The following PRELID2 variants were observed in gnomAD, a reference collection of about 807,000 sequenced individuals.
PRELID2 encodes the protein PRELI domain-containing protein 2.
PRELID2 carries 25 observed loss-of-function variants against 28.4 expected under a neutral mutation model. The observed-to-expected ratio is 0.88, with a 90% CI of 0.64 to 1.23. The LOEUF (loss-of-function observed/expected upper bound fraction) is 1.23, where lower values mean the gene tolerates loss of function less well. Among genes scored for constraint, PRELID2 ranks in the 50% most tolerant of loss-of-function variants. PRELID2 has a pLI of 0.00. For synonymous variants in PRELID2, 76 were observed against 71.6 expected (o/e 1.06, Z -0.31); for missense variants, 201 against 214.4 (o/e 0.94, Z 0.39).
intron 4 of PRELID2, among the ~76,000 whole-genome samples, chr5:145,810,180 G>A (rs1252892974): frequency 6.6e-6 from 1 of 152,134 alleles, no homozygotes; most frequent in Admixed American, 6.5e-5. Context: ...ACATAATAAA[G>A]CATATTCCCA....
At chr5:145,741,471 C>CAAAATATTTATAAATAAATTATATAT (rs1561567850) in intron 1 of PRELID2, among the ~76,000 whole-genome samples, 562 of 30,904 alleles carry the variant, frequency 0.018, 46 homozygotes, top group African/African-American at 0.052. Context: ...TATATATAAA[C>CAAAATATTTATAAATAAATTATATAT]AAAATTTATT....
chr5:145,236,612 C>T, the PRELID2 span, among the ~76,000 whole-genome samples: 1 of 152,102 alleles, frequency 6.6e-6, no homozygotes, highest in Non-Finnish European at 1.5e-5. Context: ...AGAACAAATT[C>T]AAGACTCATT....
At chr5:145,241,747 A>G in the PRELID2 span, among the ~76,000 whole-genome samples, 1 of 151,970 alleles carries the variant, frequency 6.6e-6, no homozygotes, top group East Asian at 1.9e-4. Context: ...TACAGAGGTT[A>G]ATTTCAATAC....
the PRELID2 span, among the ~76,000 whole-genome samples, chr5:145,320,348 G>A: frequency 6.6e-6 from 1 of 150,994 alleles, no homozygotes; most frequent in African/African-American, 2.4e-5. Flanking sequence ...TCGGCTCACT[G>A]CAAGCTCCGC....
chr5:145,550,272 C>A (rs907200922), intron 1 of PRELID2, among the ~76,000 whole-genome samples: 2 of 152,136 alleles, frequency 1.3e-5, no homozygotes, highest in African/African-American at 4.8e-5. Flanking sequence ...TGAGAAACAA[C>A]AGGAGAGCCT....
At chr5:145,662,803 CGGCCCCTCACCCTTTGA>C (rs1754519927) in intron 1 of PRELID2, among the ~76,000 whole-genome samples, 1 of 152,118 alleles carries the variant, frequency 6.6e-6, no homozygotes, top group South Asian at 2.1e-4. Flanking sequence ...TTACGAGATG[CGGCCCCTCACCCTTTGA>C]CTTCTCAGCC....
chr5:145,314,668 G>A, the PRELID2 span, among the ~76,000 whole-genome samples: 6 of 151,560 alleles, frequency 4.0e-5, no homozygotes, highest in African/African-American at 1.5e-4. Flanking sequence ...TTTAGATTTT[G>A]CCATAGTAGT....
chr5:145,281,503 G>A, the PRELID2 span, among the ~76,000 whole-genome samples: 5 of 152,248 alleles, frequency 3.3e-5, no homozygotes, highest in Admixed American at 2.0e-4. Context: ...ACCCTATAGC[G>A]CTAAGATAAA....
At chr5:145,434,687 C>G in the PRELID2 span, among the ~76,000 whole-genome samples, 1,275 of 152,306 alleles carry the variant, frequency 8.4e-3, 22 homozygotes, top group African/African-American at 0.029. Context: ...CCACTGCCAC[C>G]TGGTCAACCT....
intron 1 of PRELID2, among the ~76,000 whole-genome samples, chr5:145,509,123 G>A (rs1404374577): frequency 6.6e-6 from 1 of 152,086 alleles, no homozygotes; most frequent in Non-Finnish European, 1.5e-5. Flanking sequence ...AAAATGAAGT[G>A]CATGTCACAG....
intron 1 of PRELID2, among the ~76,000 whole-genome samples, chr5:145,477,532 T>C (rs1358783495): frequency 6.6e-6 from 1 of 152,186 alleles, no homozygotes; most frequent in Non-Finnish European, 1.5e-5. Context: ...CAAGAATGCA[T>C]GCATAGGCCT....
rs1752507363 is a variant in PRELID2 at position 145,793,179 on chromosome 5, A to C, written c.474+3263T>G. ...ACCTCCCTTTAAGAGTGATGAAGGA[A>C]GGAGAAAAAAGCAATTGAGCCAGTC... On this transcript the variant is annotated intron_variant, in intron 5 of 6. Transcript: ENST00000683046. Among the ~76,000 whole-genome samples, 3 of 152,176 alleles carry C rather than the reference A, an allele frequency of 2.0e-5. No homozygotes were observed. The South Asian group carries it at 6.2e-4, about 32-fold the overall frequency.
intron 5 of PRELID2, among the ~76,000 whole-genome samples, chr5:145,789,664 T>A (rs1312242237): frequency 1.3e-5 from 2 of 152,096 alleles, no homozygotes; most frequent in Non-Finnish European, 2.9e-5. Context: ...ACTAAACAGC[T>A]TATGCACAGC....
intron 1 of PRELID2, among the ~76,000 whole-genome samples, chr5:145,831,989 T>A (rs1032493398): frequency 6.6e-6 from 1 of 152,208 alleles, no homozygotes; most frequent in Non-Finnish European, 1.5e-5. Flanking sequence ...AGCCTGTCAT[T>A]GGTTTAAGTC....
intron 1 of PRELID2, among the ~76,000 whole-genome samples, chr5:145,721,756 G>A (rs1755996537): frequency 6.6e-6 from 1 of 152,084 alleles, no homozygotes; most frequent in Non-Finnish European, 1.5e-5. Context: ...TAAAGGGATG[G>A]ACACAGACAT....
At chr5:145,383,596 A>T in the PRELID2 span, among the ~76,000 whole-genome samples, 1 of 150,354 alleles carries the variant, frequency 6.7e-6, no homozygotes, top group African/African-American at 2.4e-5. Context: ...TTAACAAATG[A>T]TGTGAAATAA....
chr5:145,234,742 C>T, the PRELID2 span, among the ~76,000 whole-genome samples: 1 of 152,088 alleles, frequency 6.6e-6, no homozygotes, highest in Non-Finnish European at 1.5e-5. Context: ...ACTGAAGAAA[C>T]GTTGCCTCAA....
chr5:145,313,673 C>T, the PRELID2 span, among the ~76,000 whole-genome samples: 4 of 152,218 alleles, frequency 2.6e-5, no homozygotes, highest in South Asian at 4.1e-4. Flanking sequence ...TAGGAGGCGG[C>T]GCAATTCTGA....
chr5:145,773,419 A>AT, intron 5 of PRELID2, among the ~76,000 whole-genome samples: 1 of 152,286 alleles, frequency 6.6e-6, no homozygotes, highest in African/African-American at 2.4e-5. Flanking sequence ...TTCATTTTGA[A>AT]TTTTAAAAAA....
Sources: gnomAD v4.1 joint callset for allele counts (sites outside exome capture counted in the v4.1 genomes callset) on GRCh38, gnomAD v4.1.1 for gene constraint, MANE v1.5 for transcripts, NCBI Gene and HGNC (gene_info 2026-07-23, HGNC 2026-07-21) for gene names.